Variants in KRT84 observed in about 807,000 individuals in gnomAD.
The protein encoded by KRT84 is keratin 84.
A neutral mutation model predicts 49.0 loss-of-function variants in KRT84; 38 were observed. The observed-to-expected ratio is 0.78, with a 90% confidence interval of 0.60 to 1.02. KRT84 has a LOEUF of 1.02. Ranked by LOEUF, KRT84 falls within the 50% of genes least tolerant of loss-of-function variation. The pLI, the probability that KRT84 is intolerant of heterozygous loss-of-function variation, is 0.00. For synonymous variants in KRT84, 334 were observed against 312.8 expected (o/e 1.07, Z -0.72); for missense variants, 860 against 788.6 (o/e 1.09, Z -1.08).
upstream of KRT84, among the ~76,000 whole-genome samples, chr12:52,386,625 G>A (rs1281722383): frequency 6.6e-6 from 1 of 151,936 alleles, no homozygotes. Flanking sequence ...ATGATTTTTA[G>A]CCCCCAAATA....
chr12:52,380,553 C>G lies in KRT84; in HGVS notation c.1234G>C (p.Ala412Pro), dbSNP rs368656845. The change falls in exon 7 of 9, where the codon GCC becomes CCC. Residue 412 changes from alanine (A) to proline (P), a missense_variant. By Grantham distance (27) the Ala-to-Pro change is conservative. Coordinates refer to ENST00000257951, the MANE Select transcript of KRT84 (RefSeq NM_033045.4). ...AGGGTCGCCTCGCCCTGCTGCTCGG[C>G]CTCGGCCACTGCAGCCTCCAACTTG... Reference protein sequence around the residue: ...RAKLEAAVAEAEQQGEATLSD... With the variant: ...RAKLEAAVAEPEQQGEATLSD... 2 of 1,613,256 alleles carry G rather than the reference C, an allele frequency of 1.2e-6. No individual in the cohort carries two copies. The highest frequency in any genetic ancestry group is 2.7e-5 in the African/African-American group (2 of 74,940).
intron 1 of KRT84, among the ~76,000 whole-genome samples, chr12:52,384,277 G>A (rs1368340443): frequency 6.6e-6 from 1 of 152,138 alleles, no homozygotes; most frequent in East Asian, 1.9e-4. Context: ...AGAGCTGGAA[G>A]AGAACTTACA....
Position 52,383,628 on chromosome 12 carries a change from C to T in KRT84, c.717G>A (p.Arg239=), listed in dbSNP as rs537172708. Residue 239 remains arginine (R), a synonymous_variant, in exon 2 of 9, where the codon AGG becomes AGA. Transcript: ENST00000257951. ...CCTCTAGGACATCCTGCAGGTGGTT[C>T]CTCTCAGCCTGGAGCCGGGCCTGAT... ...VSDQARLQAE[R]NHLQDVLEGF... is the part of the protein sequence containing the mutation. 7.1e-5 allele frequency: 114 copies of T among 1,613,750 alleles called. No individual in the cohort carries two copies. The Middle Eastern group carries it at 1.7e-3, about 25-fold the overall frequency.
intron 8 of KRT84, among the ~76,000 whole-genome samples, chr12:52,379,590 T>A (rs536318555): frequency 1.3e-5 from 2 of 152,286 alleles, no homozygotes; most frequent in Admixed American, 1.3e-4. Flanking sequence ...CCTTCTAAGT[T>A]CCCTTGAAGG....
rs1565776149 is a variant in KRT84 at position 52,383,073 on chromosome 12, T to C, written c.756-8A>G. 6.8e-6 allele frequency: 11 copies of C among 1,613,030 alleles called. No individual in the cohort carries two copies. The highest frequency in any genetic ancestry group is 8.5e-6 in the Non-Finnish European group (10 of 1,179,068). On this transcript the variant is annotated splice_region_variant and splice_polypyrimidine_tract_variant and intron_variant, in intron 2 of 8. Transcript: ENST00000257951. ...ACCACTTCCTCTTCATACCTGATGA[T>C]AAAGGTTAAGAGGGTGAGTGCTTAC... is the stretch of plus-strand genomic sequence containing the variant.
chr12:52,380,732 C>T (rs1113040), intron 6 of KRT84, 149 bp from the exon 7 acceptor site: 607,940 of 782,790 alleles, frequency 0.78, 238,036 homozygotes, highest in African/African-American at 0.93. Context: ...GCACTGGAGA[C>T]CCTGTAGTTT....
rs201789393 is a variant in KRT84, at chr12:52,381,343, C to T, written c.1077+18G>A. The T allele has an allele frequency of 2.4e-4, 387 of 1,614,106 alleles. 1 individual carries two copies. The African/African-American group carries it at 4.8e-3, about 20-fold the overall frequency. On this transcript the variant is annotated intron_variant, in intron 5 of 8. Transcript: ENST00000257951. ...TCCCAGAGCTGCCTACATCCCTTCCCCAGCCTCCACTGCCCACCTTGGTCT... is the reference window on the plus strand; with the variant it reads ...TCCCAGAGCTGCCTACATCCCTTCCTCAGCCTCCACTGCCCACCTTGGTCT...
rs370086072 is a variant in KRT84, at chr12:52,385,541, G to A, written c.45C>T (p.Gly15=). The change falls in exon 1 of 9, where the codon GGC becomes GGT. Residue 15 remains glycine (G), a synonymous_variant. Coordinates refer to ENST00000257951, the MANE Select transcript of KRT84 (RefSeq NM_033045.4). Reference sequence around the variant, plus strand: ...TCATTGCTGAACAAGAGCTGAAGTTGCCCACCCGGTGACCAGAGCTGACTC... The same window carrying A: ...TCATTGCTGAACAAGAGCTGAAGTTACCCACCCGGTGACCAGAGCTGACTC... The part of the protein sequence containing the change: ...SYRVSSGHRV[G]NFSSCSAMTP... 1.9e-6 allele frequency: 3 copies of A among 1,613,988 alleles called. No homozygotes were observed. Among genetic ancestry groups the A allele is most frequent in the Non-Finnish European group, 2.5e-6 (3 of 1,180,052 alleles).
chr12:52,382,354 A>C, intron 4 of KRT84, 83 bp downstream of exon 4: 1 of 905,040 alleles, frequency 1.1e-6, no homozygotes, highest in Non-Finnish European at 1.8e-6. Flanking sequence ...ATGTTTGAAA[A>C]TATGCTAGCC....
At chr12:52,381,606 T>C (rs1198845111) in intron 4 of KRT84, 81 bp from the exon 5 acceptor site, 5 of 1,415,392 alleles carry the variant, frequency 3.5e-6, no homozygotes, top group East Asian at 2.3e-5. Flanking sequence ...GCCCAGGAAG[T>C]GGTGCCAGGG....
At chr12:52,380,142 T>C (rs1369638951) in intron 7 of KRT84, among the ~76,000 whole-genome samples, 1 of 152,250 alleles carries the variant, frequency 6.6e-6, no homozygotes, top group Non-Finnish European at 1.5e-5. Context: ...AAATTACTAA[T>C]GATTCTGGTG....
upstream of KRT84, among the ~76,000 whole-genome samples, chr12:52,386,224 C>A (rs1316367264): frequency 6.6e-6 from 1 of 152,142 alleles, no homozygotes; most frequent in African/African-American, 2.4e-5. Context: ...CAGTAAAGCT[C>A]ATTTGGGCTA....
Position 52,381,087 on chromosome 12 carries a change from T to A in KRT84, c.1196A>T (p.Lys399Met). Residue 399 changes from lysine (K) to methionine (M), a missense_variant, in exon 6 of 9, where the codon AAG becomes ATG. Coordinates refer to ENST00000257951, the MANE Select transcript of KRT84 (RefSeq NM_033045.4). ...QRLKAEIEHA[K>M]AQRAKLEAAV... ...CTCCTTTCCTTTGCCCACCTGAGCC[T>A]TGGCGTGCTCAATCTCTGCCTTAAG... The A allele has an allele frequency of 6.2e-7, 1 of 1,614,092 alleles. No individual in the cohort carries two copies. Among genetic ancestry groups the A allele is most frequent in the Non-Finnish European group, 8.5e-7 (1 of 1,179,976 alleles).
intron 1 of KRT84, among the ~76,000 whole-genome samples, chr12:52,384,471 C>T (rs918587584): frequency 6.6e-6 from 1 of 152,220 alleles, no homozygotes. Flanking sequence ...TACCAGTGGT[C>T]ATTCCCTGCA....
In KRT84 at chr12:52,378,304, C is replaced by T; in HGVS notation, c.1533G>A (p.Gly511=). The T allele has an allele frequency of 6.5e-7, 1 of 1,540,024 alleles. No individual in the cohort carries two copies. The highest frequency in any genetic ancestry group is 8.7e-7 in the Non-Finnish European group (1 of 1,145,294). Residue 511 remains glycine, a synonymous_variant, in exon 9 of 9, where the codon GGG becomes GGA. Coordinates refer to ENST00000257951, the MANE Select transcript of KRT84 (RefSeq NM_033045.4). ...LVAGSTLSRG[G]VTFSGSSSVC... ...CGCTGCTGCTACCTGAGAAGGTGAC[C>T]CCGCCGCGGGAGAGGGTGGAGCCGG...
chr12:52,384,024 C>T (rs1317816712), intron 1 of KRT84, among the ~76,000 whole-genome samples: 1 of 152,226 alleles, frequency 6.6e-6, no homozygotes, highest in East Asian at 1.9e-4. Context: ...TGAACCATAG[C>T]ACTTCAGTAC....
intron 1 of KRT84, among the ~76,000 whole-genome samples, chr12:52,384,464 C>T (rs1399542621): frequency 6.6e-6 from 1 of 152,192 alleles, no homozygotes. Context: ...CAGTGACTAC[C>T]AGTGGTCATT....
chr12:52,378,884 C>G (rs1399263284), intron 8 of KRT84, among the ~76,000 whole-genome samples: 3 of 152,238 alleles, frequency 2.0e-5, no homozygotes, highest in Non-Finnish European at 2.9e-5. Flanking sequence ...GCTCTGTAGC[C>G]CTCTGCTCTC....
upstream of KRT84, among the ~76,000 whole-genome samples, chr12:52,385,869 T>C (rs1939566954): frequency 6.6e-6 from 1 of 152,204 alleles, no homozygotes; most frequent in South Asian, 2.1e-4. Flanking sequence ...TAAAAACACA[T>C]AAACATATAA....
Sources: gnomAD v4.1 joint callset for allele counts (sites outside exome capture counted in the v4.1 genomes callset) on GRCh38, gnomAD v4.1.1 for gene constraint, MANE v1.5 for transcripts, NCBI Gene and HGNC (gene_info 2026-07-23, HGNC 2026-07-21) for gene names.